Variants in NLGN4X observed in about 807,000 individuals in gnomAD.
The protein encoded by NLGN4X is neuroligin 4 X-linked.
In NLGN4X, 3 loss-of-function variants were observed where a neutral mutation model predicts 40.3. The ratio of observed to expected loss-of-function variants is 0.07; its 90% CI spans 0.03 to 0.19. The LOEUF is 0.19. Ranked by LOEUF, NLGN4X falls within the 10% of genes least tolerant of loss-of-function variation. The pLI, the probability that NLGN4X is intolerant of heterozygous loss-of-function variation, is 1.00. For synonymous variants in NLGN4X, 270 were observed against 306.8 expected, an observed-to-expected ratio of 0.88 and a Z score of 1.25; for missense variants, 382 against 708.3, an observed-to-expected ratio of 0.54 and a Z score of 5.23.
intron 2 of NLGN4X, among the ~76,000 whole-genome samples, chrX:6,062,229 T>C (rs2037788457): frequency 9.0e-6 from 1 of 111,585 alleles, no homozygotes; most frequent in African/African-American, 3.3e-5. Context: ...ACTCTGGACT[T>C]CCTTCGATCT....
chrX:6,122,617 A>T (rs1310170587), intron 2 of NLGN4X, among the ~76,000 whole-genome samples: 2 of 110,312 alleles, frequency 1.8e-5, no homozygotes, highest in Non-Finnish European at 3.8e-5. Context: ...AGAACTCCCA[A>T]GAAATTTTTA....
At chrX:5,939,368 C>T (rs1174929447) in intron 3 of NLGN4X, among the ~76,000 whole-genome samples, 1 of 111,376 alleles carries the variant, frequency 9.0e-6, no homozygotes, top group African/African-American at 3.3e-5. Flanking sequence ...GGCAAACACA[C>T]ACACACAGAA....
At chrX:6,166,718 C>T (rs1288054034) in intron 1 of NLGN4X, among the ~76,000 whole-genome samples, 1 of 110,595 alleles carries the variant, frequency 9.0e-6, no homozygotes, top group Non-Finnish European at 1.9e-5. Flanking sequence ...TCAGCTATCT[C>T]ATACGAGTCT....
At chrX:6,081,293 A>C (rs1243865243) in intron 2 of NLGN4X, among the ~76,000 whole-genome samples, 2 of 111,446 alleles carry the variant, frequency 1.8e-5, no homozygotes, top group African/African-American at 6.5e-5. Context: ...TTCTCAAAAA[A>C]AATTGTAGAG....
At chrX:6,194,048 G>A (rs373424500) in intron 1 of NLGN4X, among the ~76,000 whole-genome samples, 21 of 111,400 alleles carry the variant, frequency 1.9e-4, no homozygotes, top group South Asian at 7.6e-4. Context: ...TGGATGTGGC[G>A]GCATGTGTCT....
At chrX:5,944,679 AGAAATT>A (rs1207122543) in intron 3 of NLGN4X, among the ~76,000 whole-genome samples, 1 of 108,601 alleles carries the variant, frequency 9.2e-6, no homozygotes, top group African/African-American at 3.3e-5. Flanking sequence ...AAAAAGAAGA[AGAAATT>A]GAAATTAATG....
intron 2 of NLGN4X, among the ~76,000 whole-genome samples, chrX:6,048,851 C>CG (rs1391013225): frequency 3.4e-5 from 2 of 59,693 alleles, no homozygotes; most frequent in Non-Finnish European, 6.1e-5. Flanking sequence ...TCAGGGAGGG[C>CG]GGGGGGAAGG....
intron 1 of NLGN4X, among the ~76,000 whole-genome samples, 154 bp downstream of exon 1, chrX:6,228,381 ATAATAT>A (rs890057031): frequency 4.0e-4 from 45 of 112,446 alleles, no homozygotes; most frequent in African/African-American, 1.3e-3. Flanking sequence ...TTTTCCAAAA[ATAATAT>A]TAATAATCAT....
intron 2 of NLGN4X, among the ~76,000 whole-genome samples, chrX:6,042,975 C>G (rs1361132729): frequency 9.4e-6 from 1 of 105,833 alleles, no homozygotes; most frequent in Non-Finnish European, 1.9e-5. Context: ...ACTTGGGAGA[C>G]TGAGGCACAA....
chrX:6,185,119 G>A (rs1222854921), intron 1 of NLGN4X, among the ~76,000 whole-genome samples: 1 of 112,171 alleles, frequency 8.9e-6, no homozygotes, highest in African/African-American at 3.2e-5. Context: ...ATACATACTT[G>A]GCAGCATGAC....
intron 2 of NLGN4X, among the ~76,000 whole-genome samples, chrX:6,083,303 A>G (rs1226714730): frequency 3.6e-5 from 4 of 110,285 alleles, no homozygotes; most frequent in Non-Finnish European, 7.6e-5. Flanking sequence ...CACTCTCTTG[A>G]GCTCTTTGCC....
intron 3 of NLGN4X, among the ~76,000 whole-genome samples, chrX:5,969,376 C>T (rs1472221932): frequency 1.8e-5 from 2 of 111,650 alleles, no homozygotes; most frequent in East Asian, 2.8e-4. Context: ...TATGAACAGA[C>T]ACTTCTCAAA....
chrX:6,060,177 A>AC (rs1164171487), intron 2 of NLGN4X, among the ~76,000 whole-genome samples: 2 of 111,900 alleles, frequency 1.8e-5, no homozygotes, highest in Non-Finnish European at 3.8e-5. Context: ...TAACTGATTT[A>AC]CTCTTTTTGA....
At chrX:6,196,551 CAAAAAAAAAA>C (rs374097705) in intron 1 of NLGN4X, among the ~76,000 whole-genome samples, 37 of 23,320 alleles carry the variant, frequency 1.6e-3, no homozygotes, top group South Asian at 6.2e-3. Flanking sequence ...GACTCTGTCT[CAAAAAAAAAA>C]AAAAAAAAAA....
At chrX:5,962,530 C>T (rs933786704) in intron 3 of NLGN4X, among the ~76,000 whole-genome samples, 2 of 112,357 alleles carry the variant, frequency 1.8e-5, no homozygotes, top group South Asian at 3.6e-4. Context: ...AATATGTACA[C>T]CAAAAATGCA....
intron 2 of NLGN4X, among the ~76,000 whole-genome samples, chrX:6,097,499 A>G (rs2038808780): frequency 9.0e-6 from 1 of 111,537 alleles, no homozygotes. Flanking sequence ...CCCTTACCCT[A>G]AACTCCACCT....
intron 3 of NLGN4X, among the ~76,000 whole-genome samples, chrX:5,958,020 A>G (rs761209963): frequency 2.5e-4 from 28 of 111,661 alleles, no homozygotes; most frequent in Non-Finnish European, 4.7e-4. Context: ...GAAAATTTTT[A>G]TGCATTTAAT....
At chrX:6,025,749 C>A (rs1467828463) in intron 3 of NLGN4X, among the ~76,000 whole-genome samples, 2 of 109,156 alleles carry the variant, frequency 1.8e-5, no homozygotes, top group Non-Finnish European at 3.8e-5. Flanking sequence ...ACTAAAAATA[C>A]AAAAATTAGC....
chrX:6,113,025 G>A (rs1011729947), intron 2 of NLGN4X, among the ~76,000 whole-genome samples: 6 of 110,061 alleles, frequency 5.5e-5, no homozygotes, highest in African/African-American at 2.0e-4. Flanking sequence ...ACCAAACAAG[G>A]TACCAATCCC....
Sources: gnomAD v4.1 joint callset for allele counts (sites outside exome capture counted in the v4.1 genomes callset) on GRCh38, gnomAD v4.1.1 for gene constraint, MANE v1.5 for transcripts, NCBI Gene and HGNC (gene_info 2026-07-23, HGNC 2026-07-21) for gene names.